Variants in COL19A1 observed in about 807,000 individuals in gnomAD.
COL19A1 encodes collagen alpha-1(XIX) chain.
COL19A1 carries 159 observed loss-of-function variants against 190.2 expected under a neutral mutation model. The ratio of observed to expected loss-of-function variants is 0.84; its 90% confidence interval spans 0.73 to 0.95. COL19A1 has a LOEUF of 0.95. COL19A1 is among the 40% of genes least tolerant of loss of function. The probability of loss-of-function intolerance (pLI) is 0.00; values close to 1 mark genes in which losing one functional copy is unlikely to be tolerated. For synonymous variants in COL19A1, 509 were observed against 458.9 expected (o/e 1.11, Z -1.39); for missense variants, 1,418 against 1,431.9 (o/e 0.99, Z 0.16).
chr6:70,161,937 G>A lies in COL19A1; in HGVS notation c.2330G>A (p.Gly777Asp). 1 of 1,605,678 alleles carries A rather than the reference G, an allele frequency of 6.2e-7. No individual in the cohort carries two copies. Among genetic ancestry groups the A allele is most frequent in the Non-Finnish European group, 8.5e-7 (1 of 1,176,160 alleles). The change falls in exon 35 of 51, where the codon GGC becomes GAC. Residue 777 changes from glycine to aspartate, a missense_variant. Transcript: ENST00000620364. ...ATTCCAGGCATTCCAGGTGCTCCAG[G>A]CCCGACTGGACCCCCTGTAAGTATT... is the stretch of plus-strand genomic sequence containing the variant. The part of the protein sequence containing the change: ...QGIPGIPGAP[G>D]PTGPPGLMGR...
rs74662327 is a variant in COL19A1 at position 70,076,255 on chromosome 6, G to A, written c.1224+7779G>A. 3.2e-3 allele frequency among the ~76,000 whole-genome samples: 492 copies of A among 152,262 alleles called. 4 individuals carry two copies. Among genetic ancestry groups the A allele is most frequent in the African/African-American group, 0.011 (474 of 41,550 alleles). ...CCAGAAAACATTGGCAATTCTCCAAGGCTGCAGGGCTATTTATTCTAACTG... is the reference window on the plus strand; with the variant it reads ...CCAGAAAACATTGGCAATTCTCCAAAGCTGCAGGGCTATTTATTCTAACTG... On this transcript the variant is annotated intron_variant, in intron 15 of 50. Coordinates refer to ENST00000620364, the MANE Select transcript of COL19A1 (RefSeq NM_001858.6).
rs770198067 is a variant in COL19A1 at position 70,199,554 on chromosome 6, T to G, written c.3095-54T>G. On this transcript the variant is annotated intron_variant, in intron 48 of 50. Transcript: ENST00000620364. ...TGATTTCATGTATTTTGAAATTTTT[T>G]GACATAAAATATTTCTGTTCTATGA... The G allele has an allele frequency of 2.3e-5, 26 of 1,146,940 alleles. No individual in the cohort carries two copies. The East Asian group carries it at 7.3e-4, about 32-fold the overall frequency. The allele number at this position is 1,146,940 out of a possible 1,614,324, so 71.0% of individuals were successfully genotyped here. A position where few individuals can be genotyped will look rare whatever the true frequency, so the allele number is the denominator to read the frequency against.
chr6:69,966,623 A>G (rs1280524101), intron 11 of COL19A1, among the ~76,000 whole-genome samples: 1 of 152,180 alleles, frequency 6.6e-6, no homozygotes, highest in Non-Finnish European at 1.5e-5. Flanking sequence ...CCAGGGACAC[A>G]AACACTGTGG....
intron 15 of COL19A1, among the ~76,000 whole-genome samples, chr6:70,073,319 T>A (rs1203568244): frequency 6.6e-6 from 1 of 152,166 alleles, no homozygotes; most frequent in African/African-American, 2.4e-5. Flanking sequence ...CCAGCTTTAC[T>A]GCTTATGAGC....
intron 11 of COL19A1, 124 bp downstream of exon 11, chr6:69,962,994 C>A: frequency 3.3e-6 from 2 of 612,120 alleles, no homozygotes; most frequent in Non-Finnish European, 5.2e-6. Context: ...ATAGACATAA[C>A]TAAAACATTT....
chr6:70,059,284 A>C (rs796159256), intron 14 of COL19A1, among the ~76,000 whole-genome samples: 3 of 152,272 alleles, frequency 2.0e-5, no homozygotes, highest in African/African-American at 7.2e-5. Context: ...TAATACTTTA[A>C]AATGAAACTT....
intron 44 of COL19A1, among the ~76,000 whole-genome samples, chr6:70,183,905 C>A (rs1766337743): frequency 6.6e-6 from 1 of 152,176 alleles, no homozygotes; most frequent in Non-Finnish European, 1.5e-5. Flanking sequence ...CTCTAAAACA[C>A]ACTTGCTGTT....
chr6:69,984,367 G>T (rs1295721389), intron 11 of COL19A1, among the ~76,000 whole-genome samples: 1 of 151,758 alleles, frequency 6.6e-6, no homozygotes, highest in African/African-American at 2.4e-5. Flanking sequence ...TCTTTGTTAC[G>T]TATTTTGGTT....
chr6:69,875,425 G>C (rs1768075629), intron 1 of COL19A1, among the ~76,000 whole-genome samples: 1 of 152,216 alleles, frequency 6.6e-6, no homozygotes, highest in African/African-American at 2.4e-5. Context: ...GTTCTCTACT[G>C]CTATGTAGAG....
intron 49 of COL19A1, among the ~76,000 whole-genome samples, chr6:70,200,492 G>T (rs776772881): frequency 6.6e-6 from 1 of 152,194 alleles, no homozygotes; most frequent in Non-Finnish European, 1.5e-5. Context: ...TATATATCAT[G>T]AAAGATAAGA....
intron 44 of COL19A1, among the ~76,000 whole-genome samples, 170 bp from the exon 45 acceptor site, chr6:70,184,533 C>T (rs778025036): frequency 1.6e-4 from 24 of 152,122 alleles, no homozygotes; most frequent in Admixed American, 5.2e-4. Context: ...TGTCAGAATC[C>T]GAACTCAGGA....
intron 15 of COL19A1, among the ~76,000 whole-genome samples, chr6:70,083,474 T>G (rs1054371403): frequency 2.6e-5 from 4 of 152,190 alleles, no homozygotes; most frequent in African/African-American, 7.2e-5. Context: ...CTTTGTTATG[T>G]TTTATAAAAG....
At chr6:69,970,575 C>G (rs899354037) in intron 11 of COL19A1, among the ~76,000 whole-genome samples, 4 of 151,994 alleles carry the variant, frequency 2.6e-5, no homozygotes, top group African/African-American at 7.3e-5. Context: ...GTGATTATGC[C>G]TATTATTTAA....
intron 25 of COL19A1, among the ~76,000 whole-genome samples, chr6:70,145,850 A>C (rs990132031): frequency 3.3e-5 from 5 of 151,384 alleles, no homozygotes; most frequent in African/African-American, 1.2e-4. Flanking sequence ...CCTCCTGAAT[A>C]GTGGTGACAA....
intron 14 of COL19A1, among the ~76,000 whole-genome samples, chr6:70,036,856 T>C (rs1779382057): frequency 6.6e-6 from 1 of 152,168 alleles, no homozygotes; most frequent in Non-Finnish European, 1.5e-5. Flanking sequence ...CATAGGAATC[T>C]CAAAAACTGT....
At chr6:69,997,014 C>CACAT (rs1554186373) in intron 11 of COL19A1, among the ~76,000 whole-genome samples, 1,458 of 142,708 alleles carry the variant, frequency 0.01, 28 homozygotes, top group African/African-American at 0.03. Flanking sequence ...TTTATATATA[C>CACAT]ATATATATAT....
chr6:70,003,554 C>G (rs909006814), intron 11 of COL19A1, among the ~76,000 whole-genome samples: 1 of 152,042 alleles, frequency 6.6e-6, no homozygotes, highest in African/African-American at 2.4e-5. Context: ...TCTGCGTGCT[C>G]CTGTATTGGG....
chr6:69,994,342 C>A (rs1266141329), intron 11 of COL19A1, among the ~76,000 whole-genome samples: 1 of 151,980 alleles, frequency 6.6e-6, no homozygotes, highest in South Asian at 2.1e-4. Context: ...AATGCCCAAG[C>A]AAATAAAGAA....
chr6:69,879,538 C>T lies in COL19A1; in HGVS notation c.-30C>T, dbSNP rs762755736. ...AAATTTTTTTTTTTCTGTTGCAGAT[C>T]CGTGGCCGTTCACATGGTTTCAAGG... On this transcript the variant is annotated splice_region_variant and 5_prime_UTR_variant, in exon 2 of 51. Transcript: ENST00000620364. 1.3e-6 allele frequency: 2 copies of T among 1,589,832 alleles called. No homozygotes were observed. The highest frequency in any genetic ancestry group is 3.4e-5 in the Admixed American group (2 of 59,392).
Sources: allele counts gnomAD v4.1 joint callset (sites outside exome capture counted in the v4.1 genomes callset), GRCh38; gene constraint gnomAD v4.1.1; transcripts MANE v1.5; gene names NCBI Gene and HGNC (gene_info 2026-07-23, HGNC 2026-07-21).